FSIP1: variants seen among roughly 807,000 people sequenced by gnomAD.
The protein encoded by FSIP1 is fibrous sheath-interacting protein 1.
In FSIP1, 65 loss-of-function variants were observed where a neutral mutation model predicts 60.9. The observed-to-expected ratio is 1.07, with a 90% CI of 0.87 to 1.31. The LOEUF (loss-of-function observed/expected upper bound fraction) is 1.31. Among genes scored for constraint, FSIP1 ranks in the 40% most tolerant of loss-of-function variants. FSIP1 has a pLI of 0.00. For synonymous variants in FSIP1, 209 were observed against 221.2 expected (o/e 0.94, Z 0.49); for missense variants, 675 against 665.5 (o/e 1.01, Z -0.16).
At chr15:39,735,456 C>A (rs982747875) in intron 8 of FSIP1, among the ~76,000 whole-genome samples, 1 of 152,048 alleles carries the variant, frequency 6.6e-6, no homozygotes, top group Non-Finnish European at 1.5e-5. Context: ...GTATAAAAAT[C>A]TTTTTAATGG....
chr15:39,630,306 A>C (rs1891828378), intron 10 of FSIP1, among the ~76,000 whole-genome samples: 1 of 152,274 alleles, frequency 6.6e-6, no homozygotes. Flanking sequence ...TCTAGAGAGC[A>C]AACCAAAAAA....
At chr15:39,736,545 G>A (rs531611097) in intron 8 of FSIP1, among the ~76,000 whole-genome samples, 1 of 152,336 alleles carries the variant, frequency 6.6e-6, no homozygotes, top group Admixed American at 6.5e-5. Flanking sequence ...GATCCAGGCA[G>A]GCCTGGCCTG....
At chr15:39,781,366 CA>C (rs1447333760) in intron 1 of FSIP1, among the ~76,000 whole-genome samples, 1 of 152,144 alleles carries the variant, frequency 6.6e-6, no homozygotes, top group Non-Finnish European at 1.5e-5. Context: ...CTCATATTGC[CA>C]ATGACAATGC....
intron 10 of FSIP1, among the ~76,000 whole-genome samples, chr15:39,711,676 CTTTT>C (rs66840718): frequency 8.2e-5 from 7 of 85,748 alleles, no homozygotes; most frequent in African/African-American, 3.0e-4. Context: ...ATTCCTACTT[CTTTT>C]TTTTTTTTTT....
At chr15:39,628,068 C>T (rs576607907) in intron 10 of FSIP1, among the ~76,000 whole-genome samples, 11 of 152,336 alleles carry the variant, frequency 7.2e-5, no homozygotes, top group East Asian at 5.8e-4. Flanking sequence ...ACACTGTCAA[C>T]GCCATAGGAG....
chr15:39,610,419 T>C (rs1480676335), intron 11 of FSIP1, among the ~76,000 whole-genome samples: 2 of 152,182 alleles, frequency 1.3e-5, no homozygotes, highest in Non-Finnish European at 2.9e-5. Context: ...CAGTGGCTCA[T>C]GCCTGTAATC....
intron 10 of FSIP1, among the ~76,000 whole-genome samples, chr15:39,696,904 GTGTGTGTGTGTGTGTGTGTGTGTT>G (rs1894840230): frequency 6.8e-6 from 1 of 147,900 alleles, no homozygotes; most frequent in Non-Finnish European, 1.5e-5. Flanking sequence ...GTGTGTGTGT[GTGTGTGTGTGTGTGTGTGTGTGTT>G]GGGATGGGGG....
At chr15:39,689,059 C>T (rs1398495697) in intron 10 of FSIP1, among the ~76,000 whole-genome samples, 1 of 152,178 alleles carries the variant, frequency 6.6e-6, no homozygotes, top group African/African-American at 2.4e-5. Context: ...AATTATAAAT[C>T]AGAGGTTCCC....
intron 10 of FSIP1, among the ~76,000 whole-genome samples, chr15:39,630,390 T>C (rs1484782500): frequency 2.0e-5 from 3 of 152,326 alleles, no homozygotes; most frequent in Admixed American, 2.0e-4. Context: ...AAATGACACA[T>C]TTAAATAGTT....
intron 10 of FSIP1, among the ~76,000 whole-genome samples, chr15:39,646,547 A>AAAAG: frequency 6.7e-6 from 1 of 148,438 alleles, no homozygotes; most frequent in African/African-American, 2.5e-5. Flanking sequence ...AAAAAAAAAA[A>AAAAG]GGCTGCGTTT....
chr15:39,629,401 T>C (rs564045362), intron 10 of FSIP1, among the ~76,000 whole-genome samples: 1 of 152,324 alleles, frequency 6.6e-6, no homozygotes, highest in South Asian at 2.1e-4. Context: ...GGCTTCTAGA[T>C]ACTTTTACAT....
intron 1 of FSIP1, among the ~76,000 whole-genome samples, chr15:39,780,814 C>G (rs1267323727): frequency 6.6e-6 from 1 of 152,218 alleles, no homozygotes; most frequent in Admixed American, 6.5e-5. Context: ...TCTCGAACCC[C>G]TGACCTCAAG....
intron 11 of FSIP1, among the ~76,000 whole-genome samples, chr15:39,614,433 A>G (rs753687463): frequency 5.9e-4 from 90 of 152,272 alleles, no homozygotes; most frequent in Admixed American, 9.8e-4. Context: ...CAATTAAAAG[A>G]TGTCCCATGT....
At chr15:39,700,083 T>C (rs1015496854) in intron 10 of FSIP1, among the ~76,000 whole-genome samples, 2 of 152,220 alleles carry the variant, frequency 1.3e-5, no homozygotes, top group African/African-American at 2.4e-5. Flanking sequence ...TATATCTTTA[T>C]GGCATTGGCA....
chr15:39,747,302 C>A (rs932210454), intron 5 of FSIP1: 13 of 152,046 alleles, frequency 8.6e-5, no homozygotes, highest in African/African-American at 3.1e-4. Flanking sequence ...TTTTACTTAC[C>A]CTCACTTTTC....
chr15:39,742,591 C>T (rs1271440231), intron 5 of FSIP1, among the ~76,000 whole-genome samples: 2 of 152,132 alleles, frequency 1.3e-5, no homozygotes, highest in Non-Finnish European at 2.9e-5. Flanking sequence ...GGTTGCAGCA[C>T]AGAAATGGTT....
intron 10 of FSIP1, among the ~76,000 whole-genome samples, chr15:39,709,699 C>A (rs537640205): frequency 6.6e-6 from 1 of 152,128 alleles, no homozygotes; most frequent in Admixed American, 6.5e-5. Flanking sequence ...ATGAAACTGT[C>A]CCACCTTAGG....
At chr15:39,732,672 G>C (rs938358510) in intron 8 of FSIP1, among the ~76,000 whole-genome samples, 11 of 144,514 alleles carry the variant, frequency 7.6e-5, no homozygotes, top group Non-Finnish European at 1.7e-4. Context: ...AACAACTAGA[G>C]AACAAGAGTT....
At chr15:39,742,034 T>G (rs1896821691) in intron 5 of FSIP1, 134 bp from the exon 6 acceptor site, 1 of 552,334 alleles carries the variant, frequency 1.8e-6, no homozygotes, top group Non-Finnish European at 3.3e-6. Context: ...ATAAATTTCT[T>G]AAGACAATGT....
Sources: gnomAD v4.1 joint callset for allele counts (sites outside exome capture counted in the v4.1 genomes callset) on GRCh38, gnomAD v4.1.1 for gene constraint, MANE v1.5 for transcripts, NCBI Gene and HGNC (gene_info 2026-07-23, HGNC 2026-07-21) for gene names.